The following PAK5 variants were observed in gnomAD, a reference collection of about 807,000 sequenced individuals.
The protein encoded by PAK5 is p21 (RAC1) activated kinase 5, also known as serine/threonine-protein kinase PAK 5.
In PAK5, 16 loss-of-function variants were observed where a neutral mutation model predicts 65.9. The ratio of observed to expected loss-of-function variants is 0.24; its 90% confidence interval spans 0.16 to 0.37. PAK5 has a LOEUF of 0.37. PAK5 is among the 10% of genes least tolerant of loss of function. PAK5 has a pLI of 1.00. For synonymous variants in PAK5, 371 were observed against 354.9 expected (o/e 1.05, Z -0.51); for missense variants, 785 against 903.9 (o/e 0.87, Z 1.69).
chr20:9,669,764 G>T (rs368487541), intron 2 of PAK5, among the ~76,000 whole-genome samples: 2 of 151,582 alleles, frequency 1.3e-5, no homozygotes, highest in East Asian at 1.9e-4. Flanking sequence ...TATTTATTTT[G>T]ATTTTTAAAA....
chr20:9,706,438 T>A (rs2048007684), intron 2 of PAK5, among the ~76,000 whole-genome samples: 1 of 152,020 alleles, frequency 6.6e-6, no homozygotes, highest in East Asian at 1.9e-4. Flanking sequence ...CCTCCTTCCT[T>A]TCTTGTTGAA....
chr20:9,738,637 G>T (rs2048417653), intron 1 of PAK5, among the ~76,000 whole-genome samples: 1 of 152,140 alleles, frequency 6.6e-6, no homozygotes, highest in Non-Finnish European at 1.5e-5. Flanking sequence ...TCAGAAAGAA[G>T]ATCAGTGGTT....
chr20:9,767,793 T>C (rs1569080040), intron 1 of PAK5, among the ~76,000 whole-genome samples: 1 of 152,170 alleles, frequency 6.6e-6, no homozygotes, highest in South Asian at 2.1e-4. Flanking sequence ...TTCTAGGGGA[T>C]ATTTTTTCAA....
chr20:9,646,590 A>G (rs1017586377), intron 2 of PAK5, among the ~76,000 whole-genome samples: 5 of 152,184 alleles, frequency 3.3e-5, no homozygotes, highest in African/African-American at 9.6e-5. Flanking sequence ...GCTGTCATAG[A>G]CTGCTGCAGA....
chr20:9,550,886 G>A (rs1268978382), intron 7 of PAK5, among the ~76,000 whole-genome samples: 1 of 151,960 alleles, frequency 6.6e-6, no homozygotes, highest in Non-Finnish European at 1.5e-5. Context: ...GGAGGTGAAT[G>A]TATCAGCATT....
At chr20:9,819,337 G>A (rs2049393116) in intron 1 of PAK5, among the ~76,000 whole-genome samples, 1 of 152,172 alleles carries the variant, frequency 6.6e-6, no homozygotes, top group South Asian at 2.1e-4. Context: ...ACACAAAGAT[G>A]AAGAGCTAAG....
chr20:9,768,766 G>T (rs182319046), intron 1 of PAK5, among the ~76,000 whole-genome samples: 4 of 111,426 alleles, frequency 3.6e-5, no homozygotes, highest in Admixed American at 2.8e-4. Flanking sequence ...CTGGGCAACA[G>T]AGCAACAGAG....
chr20:9,612,539 G>A (rs1480527405), intron 3 of PAK5, among the ~76,000 whole-genome samples: 2 of 152,012 alleles, frequency 1.3e-5, no homozygotes, highest in Admixed American at 6.6e-5. Flanking sequence ...GGGAGGGGCC[G>A]CACATTTGTA....
At chr20:9,794,487 TG>T (rs1189995834) in intron 1 of PAK5, among the ~76,000 whole-genome samples, 1 of 152,088 alleles carries the variant, frequency 6.6e-6, no homozygotes, top group Non-Finnish European at 1.5e-5. Context: ...GTTAGCAGAC[TG>T]GTGGTCTTGA....
rs141403638 is a variant in PAK5 at position 9,557,585 on chromosome 20, C to T, written c.1743+23G>A. The T allele has an allele frequency of 4.1e-4, 658 of 1,585,640 alleles. 3 individuals are homozygous for T. In the African/African-American group the frequency reaches 7.8e-3, roughly 19 times the overall value. On this transcript the variant is annotated intron_variant, in intron 7 of 9. Transcript: ENST00000353224. ...ACAGAGTGACAAGAAAAACTACGAA[C>T]GGGCCAAACATGAACATCTTACCCG...
At chr20:9,673,804 C>T (rs1318355616) in intron 2 of PAK5, among the ~76,000 whole-genome samples, 1 of 152,162 alleles carries the variant, frequency 6.6e-6, no homozygotes, top group Non-Finnish European at 1.5e-5. Context: ...CCCTTGCCCA[C>T]AATCCTACCG....
At chr20:9,603,595 A>G (rs1272667657) in intron 3 of PAK5, among the ~76,000 whole-genome samples, 1 of 152,226 alleles carries the variant, frequency 6.6e-6, no homozygotes, top group Non-Finnish European at 1.5e-5. Context: ...CTGGTACGTT[A>G]GTTAAGCAAA....
chr20:9,644,467 A>G, intron 2 of PAK5, 128 bp from the exon 3 acceptor site: 1 of 639,410 alleles, frequency 1.6e-6, no homozygotes, highest in Non-Finnish European at 2.7e-6. Flanking sequence ...GCTGCAAAAG[A>G]TAAAAGTTGA....
intron 1 of PAK5, among the ~76,000 whole-genome samples, chr20:9,787,921 C>T (rs2049009870): frequency 6.6e-6 from 1 of 151,518 alleles, no homozygotes; most frequent in African/African-American, 2.4e-5. Context: ...TGTATGTTTA[C>T]ATAATTTAAT....
chr20:9,627,231 C>T (rs968777379), intron 3 of PAK5, among the ~76,000 whole-genome samples: 13 of 152,216 alleles, frequency 8.5e-5, no homozygotes, highest in African/African-American at 3.1e-4. Flanking sequence ...GGCTTTAGGA[C>T]ATGGAGATTT....
chr20:9,559,637 C>T (rs982916214), intron 6 of PAK5, among the ~76,000 whole-genome samples: 1 of 152,106 alleles, frequency 6.6e-6, no homozygotes, highest in Non-Finnish European at 1.5e-5. Context: ...GTGGCCGGCG[C>T]TCGTAATTCC....
intron 9 of PAK5, among the ~76,000 whole-genome samples, chr20:9,541,458 T>C (rs962719511): frequency 1.3e-5 from 2 of 152,186 alleles, no homozygotes; most frequent in East Asian, 3.9e-4. Context: ...TGACCTTCAT[T>C]GCCCTGTACA....
At chr20:9,585,988 G>T (rs1461809736) in intron 3 of PAK5, among the ~76,000 whole-genome samples, 2 of 152,164 alleles carry the variant, frequency 1.3e-5, no homozygotes, top group Non-Finnish European at 2.9e-5. Flanking sequence ...AGAGAAAAAA[G>T]AGATAATCAC....
At chr20:9,602,313 A>G (rs201369661) in intron 3 of PAK5, among the ~76,000 whole-genome samples, 4 of 150,740 alleles carry the variant, frequency 2.7e-5, no homozygotes, top group Non-Finnish European at 4.4e-5. Flanking sequence ...TAAATAAATA[A>G]ATAAATAAAT....
Sources: gnomAD v4.1 joint callset for allele counts (sites outside exome capture counted in the v4.1 genomes callset) on GRCh38, gnomAD v4.1.1 for gene constraint, MANE v1.5 for transcripts, NCBI Gene and HGNC (gene_info 2026-07-23, HGNC 2026-07-21) for gene names.